GBP2: variants seen among roughly 807,000 people sequenced by gnomAD.
GBP2 encodes guanylate binding protein 2.
Under a neutral mutation model 60.8 loss-of-function variants are expected in GBP2, and 54 were observed. The ratio of observed to expected loss-of-function variants is 0.89; its 90% CI spans 0.71 to 1.11. The LOEUF (loss-of-function observed/expected upper bound fraction) is 1.11, where lower values mean the gene tolerates loss of function less well. Among genes scored for constraint, GBP2 ranks in the 50% most tolerant of loss-of-function variants. GBP2 has a pLI of 0.00. For missense variants in GBP2, 665 were observed against 703.3 expected (o/e 0.95, Z 0.62); for synonymous variants, 243 against 256.5 (o/e 0.95, Z 0.50).
intron 1 of GBP2, among the ~76,000 whole-genome samples, chr1:89,122,961 GT>G (rs1681433354): frequency 6.6e-6 from 1 of 152,012 alleles, no homozygotes; most frequent in Non-Finnish European, 1.5e-5. Flanking sequence ...TAATCATTTA[GT>G]TGTATCAGTG....
rs201904193 is a variant in GBP2 at position 89,114,261 on chromosome 1, T to A, written c.904A>T (p.Ile302Phe). The change falls in exon 7 of 11, where the codon ATC becomes TTC. Residue 302 changes from isoleucine to phenylalanine, a missense_variant. By Grantham distance (21) the Ile-to-Phe change is conservative (BLOSUM62 0). Coordinates refer to ENST00000370466, the MANE Select transcript of GBP2 (RefSeq NM_004120.5). ...ESLVLTYVNA[I>F]SSGDLPCMEN... ...ATGCAGGGTAGATCCCCACTGCTGATGGCATTGACGTAGGTCAGCACCAGG... is the reference window on the plus strand; with the variant it reads ...ATGCAGGGTAGATCCCCACTGCTGAAGGCATTGACGTAGGTCAGCACCAGG... 4 of 1,614,262 alleles carry A rather than the reference T, an allele frequency of 2.5e-6. No homozygotes were observed. In the East Asian group the frequency reaches 6.7e-5, roughly 27 times the overall value.
chr1:89,111,666 G>A (rs7519291), intron 8 of GBP2, among the ~76,000 whole-genome samples: 89,112 of 145,832 alleles, frequency 0.61, 28,292 homozygotes, highest in East Asian at 0.78. Flanking sequence ...GATGGTTAAT[G>A]GGTAAAAACA....
chr1:89,114,793 GA>G (rs1334970550), intron 6 of GBP2, among the ~76,000 whole-genome samples: 17 of 152,298 alleles, frequency 1.1e-4, no homozygotes, highest in African/African-American at 3.6e-4. Flanking sequence ...GTGTAGCACT[GA>G]AAGTCTCACA....
intron 6 of GBP2, among the ~76,000 whole-genome samples, chr1:89,116,310 A>G (rs1477563328): frequency 1.3e-5 from 2 of 152,142 alleles, no homozygotes; most frequent in African/African-American, 4.8e-5. Context: ...CACCGTGCCC[A>G]GCCAACTCAA....
chr1:89,108,817 A>G (rs928122201), intron 10 of GBP2, among the ~76,000 whole-genome samples: 1 of 152,184 alleles, frequency 6.6e-6, no homozygotes, highest in Non-Finnish European at 1.5e-5. Context: ...AAATGTGGAA[A>G]AGAGCCCAGA....
intron 3 of GBP2, 134 bp from the exon 4 acceptor site, chr1:89,120,422 G>A: frequency 1.4e-6 from 1 of 691,354 alleles, no homozygotes; most frequent in Non-Finnish European, 2.6e-6. Context: ...ACTTCCTTAT[G>A]CAGTATTTTT....
chr1:89,121,217 A>G lies in GBP2; in HGVS notation c.244T>C (p.Cys82Arg). 1 of 1,612,068 alleles carries G rather than the reference A, an allele frequency of 6.2e-7. No homozygotes were observed. The highest frequency in any genetic ancestry group is 8.5e-7 in the Non-Finnish European group (1 of 1,178,416). Residue 82 changes from cysteine (C) to arginine (R), a missense_variant, in exon 3 of 11, where the codon TGT becomes CGT. By Grantham distance (180) the Cys-to-Arg change is radical (BLOSUM62 -3). Transcript: ENST00000370466. Reference protein sequence around the residue: ...KSHTKGIWMWCVPHPKKPEHT... With the variant: ...KSHTKGIWMWRVPHPKKPEHT... ...TCTGGCTTCTTGGGATGAGGCACAC[A>G]CCACATCCAGATTCCCTTGGTGTGA...
In GBP2 at chr1:89,121,217, A is replaced by C; in HGVS notation, c.244T>G (p.Cys82Gly). ...KSHTKGIWMW[C>G]VPHPKKPEHT... is the part of the protein sequence containing the mutation. ...TCTGGCTTCTTGGGATGAGGCACAC[A>C]CCACATCCAGATTCCCTTGGTGTGA... The change falls in exon 3 of 11, where the codon TGT becomes GGT. Residue 82 changes from cysteine to glycine, a missense_variant. Transcript: ENST00000370466. The C allele has an allele frequency of 6.2e-7, 1 of 1,612,068 alleles. No individual in the cohort carries two copies. The highest frequency in any genetic ancestry group is 8.5e-7 in the Non-Finnish European group (1 of 1,178,416).
intron 2 of GBP2, 96 bp downstream of exon 2, chr1:89,121,681 A>G: frequency 8.1e-7 from 1 of 1,240,920 alleles, no homozygotes; most frequent in South Asian, 1.5e-5. Context: ...AGCTTTCAAC[A>G]TTCATTCTCA....
At chr1:89,119,949 A>T in intron 4 of GBP2, 4 of 479,406 alleles carry the variant, frequency 8.3e-6, no homozygotes, top group South Asian at 7.1e-5. Context: ...TAAGTCAGAT[A>T]GAGGATATAC....
intron 4 of GBP2, 114 bp from the exon 5 acceptor site, chr1:89,117,887 CA>C: frequency 1.2e-6 from 1 of 822,428 alleles, no homozygotes; most frequent in Non-Finnish European, 1.9e-6. Flanking sequence ...CATTCATTCA[CA>C]AACATTTATT....
At chr1:89,110,416 T>C in intron 8 of GBP2, 150 bp from the exon 9 acceptor site, 1 of 633,532 alleles carries the variant, frequency 1.6e-6, no homozygotes, top group Non-Finnish European at 2.8e-6. Context: ...AATTCGCAAT[T>C]GTAAAAATAT....
At chr1:89,123,172 A>AT (rs1054818853) in intron 1 of GBP2, among the ~76,000 whole-genome samples, 3 of 151,944 alleles carry the variant, frequency 2.0e-5, no homozygotes, top group African/African-American at 7.3e-5. Context: ...CTTATCTAAT[A>AT]TTTTTTCTGC....
chr1:89,115,978 C>T (rs951042398), intron 6 of GBP2, among the ~76,000 whole-genome samples: 2 of 151,560 alleles, frequency 1.3e-5, no homozygotes, highest in African/African-American at 2.4e-5. Context: ...AAAGCTATTC[C>T]TCTATATGCT....
chr1:89,110,153 G>C lies in GBP2; in HGVS notation c.1465+11C>G, dbSNP rs545998240. On this transcript the variant is annotated intron_variant, in intron 9 of 10. Coordinates refer to ENST00000370466, the MANE Select transcript of GBP2 (RefSeq NM_004120.5). ...TTTCCGACCATGTAGAGTGTTTTCA[G>C]CTGTTCTCACCTTCAATCGCTTTTT... 1 of 1,594,112 alleles carries C rather than the reference G, an allele frequency of 6.3e-7. No individual in the cohort carries two copies. Among genetic ancestry groups the C allele is most frequent in the Non-Finnish European group, 8.6e-7 (1 of 1,162,910 alleles).
Position 89,114,301 on chromosome 1 carries a change from A to G in GBP2, c.869-5T>C. The G allele has an allele frequency of 6.2e-7, 1 of 1,608,266 alleles. No homozygotes were observed. Among genetic ancestry groups the G allele is most frequent in the Non-Finnish European group, 8.5e-7 (1 of 1,175,636 alleles). On this transcript the variant is annotated splice_region_variant and splice_polypyrimidine_tract_variant and intron_variant, in intron 6 of 10. Coordinates refer to ENST00000370466, the MANE Select transcript of GBP2 (RefSeq NM_004120.5). ...TCAGCACCAGGCTCTCTAGACCTGC[A>G]AAAGGGAATTTTTAAAAAAATGTGA...
At chr1:89,112,767 C>A in intron 7 of GBP2, 83 bp from the exon 8 acceptor site, 1 of 1,125,154 alleles carries the variant, frequency 8.9e-7, no homozygotes, top group East Asian at 2.4e-5. Context: ...AAATGCTTCT[C>A]CTTCAGAAAT....
chr1:89,117,714 A>G lies in GBP2; in HGVS notation c.488T>C (p.Val163Ala), dbSNP rs752182723. The G allele has an allele frequency of 3.1e-6, 5 of 1,614,120 alleles. No individual in the cohort carries two copies. The East Asian group carries it at 8.9e-5, about 29-fold the overall frequency. ...KANSSPGNNS[V>A]DDSADFVSFF... ...GCTCACAAAGTCAGCTGAGTCGTCT[A>G]CAGAATTGTTACCAGGTGAGGAGTT... Residue 163 changes from valine to alanine, a missense_variant, in exon 5 of 11, where the codon GTA becomes GCA. Coordinates refer to ENST00000370466, the MANE Select transcript of GBP2 (RefSeq NM_004120.5).
At chr1:89,123,171 T>C (rs960877565) in intron 1 of GBP2, among the ~76,000 whole-genome samples, 3 of 152,208 alleles carry the variant, frequency 2.0e-5, no homozygotes, top group African/African-American at 7.2e-5. Context: ...GCTTATCTAA[T>C]ATTTTTTCTG....
Sources: gnomAD v4.1 joint callset for allele counts (sites outside exome capture counted in the v4.1 genomes callset) on GRCh38, gnomAD v4.1.1 for gene constraint, MANE v1.5 for transcripts, NCBI Gene and HGNC (gene_info 2026-07-23, HGNC 2026-07-21) for gene names.